Variants in KCNQ5 observed in about 807,000 individuals in gnomAD.
KCNQ5 encodes potassium voltage-gated channel subfamily Q member 5, also known as potassium voltage-gated channel subfamily KQT member 5.
KCNQ5 carries 30 observed loss-of-function variants against 98.2 expected under a neutral mutation model. The ratio of observed to expected loss-of-function variants is 0.31; its 90% CI spans 0.23 to 0.41. KCNQ5 has a LOEUF of 0.41. Ranked by LOEUF, KCNQ5 falls within the 10% of genes least tolerant of loss-of-function variation. The pLI is 1.00. For synonymous variants in KCNQ5, 458 were observed against 449.4 expected (o/e 1.02, Z -0.24); for missense variants, 835 against 1,182.5 (o/e 0.71, Z 4.31).
intron 1 of KCNQ5, among the ~76,000 whole-genome samples, chr6:72,867,755 T>C (rs1778045593): frequency 1.3e-5 from 2 of 150,792 alleles, no homozygotes; most frequent in Non-Finnish European, 1.5e-5. Context: ...CTGAGCAACA[T>C]GGCAAAACCC....
chr6:73,010,284 A>G (rs185087169), intron 2 of KCNQ5, among the ~76,000 whole-genome samples: 2 of 152,216 alleles, frequency 1.3e-5, no homozygotes, highest in Admixed American at 1.3e-4. Flanking sequence ...GCCAGAAAAA[A>G]CATTTGAAAA....
intron 1 of KCNQ5, among the ~76,000 whole-genome samples, chr6:72,853,207 T>A (rs980837815): frequency 6.6e-6 from 1 of 152,218 alleles, no homozygotes; most frequent in Non-Finnish European, 1.5e-5. Context: ...TAGACAGTTA[T>A]CCAATAGACA....
intron 12 of KCNQ5, 90 bp downstream of exon 12, chr6:73,190,794 T>C: frequency 1.3e-6 from 1 of 756,934 alleles, no homozygotes; most frequent in South Asian, 4.5e-5. Flanking sequence ...ACCTCTGAAC[T>C]CCATATTTTT....
intron 1 of KCNQ5, among the ~76,000 whole-genome samples, chr6:72,730,583 A>G (rs1582184366): frequency 6.6e-6 from 1 of 152,202 alleles, no homozygotes; most frequent in African/African-American, 2.4e-5. Flanking sequence ...CATCTTTTCT[A>G]TACACATATG....
chr6:73,154,066 T>C (rs1032418459), intron 10 of KCNQ5, among the ~76,000 whole-genome samples: 56 of 152,140 alleles, frequency 3.7e-4, no homozygotes, highest in Non-Finnish European at 3.8e-4. Context: ...CAGATATGGA[T>C]ACCTAGAGGC....
intron 1 of KCNQ5, among the ~76,000 whole-genome samples, chr6:72,666,487 T>C (rs1170934732): frequency 6.6e-6 from 1 of 152,230 alleles, no homozygotes; most frequent in Admixed American, 6.5e-5. Context: ...TGGTTTACTT[T>C]AAACTCTGTT....
intron 1 of KCNQ5, among the ~76,000 whole-genome samples, chr6:72,927,698 A>G (rs1765493726): frequency 6.6e-6 from 1 of 152,088 alleles, no homozygotes; most frequent in African/African-American, 2.4e-5. Flanking sequence ...TTTTTCTTTA[A>G]CATTACATAC....
At chr6:72,862,695 T>C (rs1379973275) in intron 1 of KCNQ5, among the ~76,000 whole-genome samples, 1 of 152,036 alleles carries the variant, frequency 6.6e-6, no homozygotes, top group African/African-American at 2.4e-5. Context: ...TGGTGCAATA[T>C]TGGCTCATTG....
intron 1 of KCNQ5, among the ~76,000 whole-genome samples, chr6:72,769,137 C>T (rs1772730430): frequency 6.6e-6 from 1 of 152,038 alleles, no homozygotes; most frequent in Non-Finnish European, 1.5e-5. Context: ...CAGAAGAGAA[C>T]AGAGTTAAAT....
intron 1 of KCNQ5, among the ~76,000 whole-genome samples, chr6:72,713,319 T>C (rs1474407589): frequency 6.6e-6 from 1 of 152,152 alleles, no homozygotes; most frequent in Non-Finnish European, 1.5e-5. Context: ...TCCCCAGCCG[T>C]CATAAGTTCG....
chr6:72,903,333 T>G (rs1395597427), intron 1 of KCNQ5, among the ~76,000 whole-genome samples: 1 of 152,186 alleles, frequency 6.6e-6, no homozygotes, highest in African/African-American at 2.4e-5. Flanking sequence ...ATTCATTTAG[T>G]TCTGCTCTGA....
intron 1 of KCNQ5, among the ~76,000 whole-genome samples, chr6:72,679,915 G>C (rs1211911496): frequency 6.6e-6 from 1 of 152,072 alleles, no homozygotes; most frequent in Non-Finnish European, 1.5e-5. Flanking sequence ...GTGCATGCCT[G>C]CAATCCCAGC....
intron 1 of KCNQ5, among the ~76,000 whole-genome samples, chr6:72,656,454 T>C (rs1287521132): frequency 6.6e-6 from 1 of 152,176 alleles, no homozygotes; most frequent in Non-Finnish European, 1.5e-5. Context: ...AAGCTCAGTT[T>C]CCCACATAGT....
intron 2 of KCNQ5, among the ~76,000 whole-genome samples, chr6:73,013,686 G>A (rs1265637236): frequency 6.6e-6 from 1 of 152,108 alleles, no homozygotes; most frequent in Non-Finnish European, 1.5e-5. Flanking sequence ...AGGCCTGGCT[G>A]AGGAAAAGAC....
At chr6:72,941,118 CAGTG>C (rs1766212122) in intron 1 of KCNQ5, among the ~76,000 whole-genome samples, 1 of 152,166 alleles carries the variant, frequency 6.6e-6, no homozygotes, top group South Asian at 2.1e-4. Context: ...AGATAGATCT[CAGTG>C]AGTATTAATT....
intron 1 of KCNQ5, among the ~76,000 whole-genome samples, chr6:72,838,792 T>C (rs1414459851): frequency 2.0e-5 from 3 of 150,356 alleles, no homozygotes; most frequent in East Asian, 3.9e-4. Flanking sequence ...CTACTAAAAA[T>C]ACAAAAAATT....
At chr6:72,919,250 A>G (rs1415546084) in intron 1 of KCNQ5, among the ~76,000 whole-genome samples, 2 of 152,186 alleles carry the variant, frequency 1.3e-5, no homozygotes, top group Non-Finnish European at 2.9e-5. Context: ...GGTCACCTAG[A>G]CTACTCATTC....
At chr6:72,679,301 T>C (rs1439534877) in intron 1 of KCNQ5, among the ~76,000 whole-genome samples, 1 of 152,026 alleles carries the variant, frequency 6.6e-6, no homozygotes, top group African/African-American at 2.4e-5. Flanking sequence ...CTATTCACAA[T>C]AGCAAAGACT....
intron 1 of KCNQ5, among the ~76,000 whole-genome samples, chr6:72,775,062 T>A (rs9446753): frequency 1.3e-5 from 2 of 152,008 alleles, no homozygotes; most frequent in African/African-American, 2.4e-5. Flanking sequence ...AACTATCCAA[T>A]GCACAGCAAC....
Sources: allele counts gnomAD v4.1 joint callset (sites outside exome capture counted in the v4.1 genomes callset), GRCh38; gene constraint gnomAD v4.1.1; transcripts MANE v1.5; gene names NCBI Gene and HGNC (gene_info 2026-07-23, HGNC 2026-07-21).